Variants in LRRN2 observed in about 807,000 individuals in gnomAD.
LRRN2 encodes the protein leucine-rich repeat neuronal protein 2.
LRRN2 carries 10 observed loss-of-function variants against 35.7 expected under a neutral mutation model. The observed-to-expected ratio is 0.28, with a 90% CI of 0.17 to 0.47. The LOEUF (loss-of-function observed/expected upper bound fraction) is 0.47. Ranked by LOEUF, LRRN2 falls within the 20% of genes least tolerant of loss-of-function variation. LRRN2 has a pLI of 0.99. For missense variants in LRRN2, 731 were observed against 940.3 expected, an observed-to-expected ratio of 0.78 and a Z score of 2.91; for synonymous variants, 391 against 409.6, an observed-to-expected ratio of 0.95 and a Z score of 0.55.
chr1:204,638,705 C>T lies in LRRN2; in HGVS notation c.-226-18487G>A, dbSNP rs574816730. Among the ~76,000 whole-genome samples the T allele has an allele frequency of 7.4e-4, 112 of 152,262 alleles. 2 individuals are homozygous for T. In the Middle Eastern group the frequency reaches 0.014, roughly 18 times the overall value. Reference sequence around the variant, plus strand: ...GATTACAGGCGTGAGCCACCGCGCCCGGCCAGGTCTTCTAAGTAGTACATA... The same window carrying T: ...GATTACAGGCGTGAGCCACCGCGCCTGGCCAGGTCTTCTAAGTAGTACATA... On this transcript the variant is annotated intron_variant, in intron 1 of 1. Coordinates refer to ENST00000367177, the MANE Select transcript of LRRN2 (RefSeq NM_201630.2).
At chr1:204,651,105 G>A (rs1362415117) in intron 1 of LRRN2, among the ~76,000 whole-genome samples, 1 of 152,208 alleles carries the variant, frequency 6.6e-6, no homozygotes, top group Non-Finnish European at 1.5e-5. Flanking sequence ...CCAAGCGTGC[G>A]ATGATCTGAT....
intron 1 of LRRN2, among the ~76,000 whole-genome samples, chr1:204,624,488 G>A (rs960115101): frequency 6.6e-6 from 1 of 152,200 alleles, no homozygotes; most frequent in Non-Finnish European, 1.5e-5. Flanking sequence ...GGCTGGTGCT[G>A]CAAACCCTGT....
intron 1 of LRRN2, among the ~76,000 whole-genome samples, chr1:204,665,664 C>T (rs924820230): frequency 6.6e-6 from 1 of 152,216 alleles, no homozygotes; most frequent in African/African-American, 2.4e-5. Flanking sequence ...GGTTGGCTCT[C>T]TTGTCACCTC....
Position 204,683,899 on chromosome 1 carries a change from G to T in LRRN2, c.-227+1421C>A, listed in dbSNP as rs148050545. Reference sequence around the variant, plus strand: ...AAAGTGGGTCAGGCCACCCACATGTGGCTTTTTCTGGTAGCCACAGGGCCC... The same window carrying T: ...AAAGTGGGTCAGGCCACCCACATGTTGCTTTTTCTGGTAGCCACAGGGCCC... On this transcript the variant is annotated intron_variant, in intron 1 of 1. Transcript: ENST00000367177. Among the ~76,000 whole-genome samples the T allele has an allele frequency of 4.3e-3, 649 of 152,334 alleles. 4 individuals carry two copies. Among genetic ancestry groups the T allele is most frequent in the Middle Eastern group, 6.8e-3 (2 of 294 alleles).
chr1:204,680,310 G>A (rs762758783), intron 1 of LRRN2, among the ~76,000 whole-genome samples: 1 of 152,210 alleles, frequency 6.6e-6, no homozygotes, highest in East Asian at 1.9e-4. Flanking sequence ...TTGTTACCAC[G>A]TGAGAGGTAG....
At chr1:204,673,286 A>G (rs192529349) in intron 1 of LRRN2, among the ~76,000 whole-genome samples, 159 of 152,326 alleles carry the variant, frequency 1.0e-3, no homozygotes, top group Non-Finnish European at 1.9e-3. Flanking sequence ...CCATCACATT[A>G]TTCCTGTTTA....
At chr1:204,681,373 A>G (rs1668952989) in intron 1 of LRRN2, among the ~76,000 whole-genome samples, 1 of 152,228 alleles carries the variant, frequency 6.6e-6, no homozygotes, top group Admixed American at 6.5e-5. Context: ...CACTTACTAT[A>G]TATATACCAG....
At chr1:204,666,962 CAAAAAAAAA>C (rs34503593) in intron 1 of LRRN2, among the ~76,000 whole-genome samples, 1 of 64,814 alleles carries the variant, frequency 1.5e-5, no homozygotes, top group Admixed American at 2.2e-4. Context: ...ACTCTGTCTC[CAAAAAAAAA>C]AAAAAAAAAA....
chr1:204,683,899 G>A (rs148050545), intron 1 of LRRN2, among the ~76,000 whole-genome samples: 1 of 152,216 alleles, frequency 6.6e-6, no homozygotes, highest in South Asian at 2.1e-4. Context: ...ACCCACATGT[G>A]GCTTTTTCTG....
intron 1 of LRRN2, among the ~76,000 whole-genome samples, chr1:204,655,045 G>A (rs1160890961): frequency 1.3e-5 from 2 of 152,316 alleles, no homozygotes; most frequent in Admixed American, 6.5e-5. Flanking sequence ...TTTAATGGGT[G>A]CAAAAGACAT....
intron 1 of LRRN2, among the ~76,000 whole-genome samples, chr1:204,675,837 A>G (rs1005623251): frequency 8.5e-5 from 13 of 152,246 alleles, no homozygotes; most frequent in African/African-American, 2.9e-4. Context: ...TCCTGTTGCC[A>G]TCAGTTCTGA....
intron 1 of LRRN2, among the ~76,000 whole-genome samples, chr1:204,673,409 A>G (rs1668752751): frequency 2.0e-5 from 3 of 152,292 alleles, no homozygotes; most frequent in Middle Eastern, 3.4e-3. Flanking sequence ...AACCCTGTGA[A>G]CTGGGTGTGT....
intron 1 of LRRN2, among the ~76,000 whole-genome samples, chr1:204,634,875 G>A (rs1571647089): frequency 6.6e-6 from 1 of 152,190 alleles, no homozygotes; most frequent in African/African-American, 2.4e-5. Context: ...TTATTTCTAT[G>A]AGCCTCAGTT....
intron 1 of LRRN2, among the ~76,000 whole-genome samples, chr1:204,650,020 T>G (rs917765997): frequency 1.3e-5 from 2 of 152,232 alleles, no homozygotes; most frequent in Admixed American, 6.5e-5. Flanking sequence ...GCAGCTCCCC[T>G]GTGGGCTGAG....
At chr1:204,654,753 C>A (rs1296875818) in intron 1 of LRRN2, among the ~76,000 whole-genome samples, 1 of 152,230 alleles carries the variant, frequency 6.6e-6, no homozygotes, top group East Asian at 1.9e-4. Context: ...GTGCTGGAAC[C>A]AGCTTGCCCC....
intron 1 of LRRN2, chr1:204,629,404 A>G (rs1571639961): frequency 6.6e-6 from 1 of 152,602 alleles, no homozygotes; most frequent in African/African-American, 2.4e-5. Context: ...AAAATGTGCT[A>G]CATATACACT....
At position 204,684,417 on chromosome 1, in the gene LRRN2, G is replaced by A. The variant is rs186592175; in HGVS notation, c.-227+903C>T. Among the ~76,000 whole-genome samples the A allele has an allele frequency of 5.9e-5, 9 of 152,288 alleles. 1 individual carries two copies. In the East Asian group the frequency reaches 1.7e-3, roughly 29 times the overall value. ...TTTTCCTTCCTGTTCGTTTGGGTGG[G>A]GGAGGAAGGGTAGGGAGCACAGTGC... is the stretch of plus-strand genomic sequence containing the variant. On this transcript the variant is annotated intron_variant, in intron 1 of 1. Coordinates refer to ENST00000367177, the MANE Select transcript of LRRN2 (RefSeq NM_201630.2).
chr1:204,651,711 A>G (rs1037392533), intron 1 of LRRN2, among the ~76,000 whole-genome samples: 2 of 152,192 alleles, frequency 1.3e-5, no homozygotes, highest in Non-Finnish European at 2.9e-5. Context: ...AGTTGTCACA[A>G]AAAGCATCCC....
chr1:204,674,672 G>C (rs1310855618), intron 1 of LRRN2, among the ~76,000 whole-genome samples: 1 of 152,226 alleles, frequency 6.6e-6, no homozygotes, highest in Non-Finnish European at 1.5e-5. Context: ...CTGGGCCAGT[G>C]GGCTGGGTCC....
Sources: gnomAD v4.1 joint callset for allele counts (sites outside exome capture counted in the v4.1 genomes callset) on GRCh38, gnomAD v4.1.1 for gene constraint, MANE v1.5 for transcripts, NCBI Gene and HGNC (gene_info 2026-07-23, HGNC 2026-07-21) for gene names.